Variants in SMARCAD1 observed in about 807,000 individuals in gnomAD.
SMARCAD1 encodes SNF2 related chromatin remodeling ATPase with DExD box 1.
In SMARCAD1, 25 loss-of-function variants were observed where a neutral mutation model predicts 127.1. The observed-to-expected ratio is 0.20, with a 90% CI of 0.14 to 0.27. The LOEUF is 0.27. SMARCAD1 is among the 10% of genes least tolerant of loss of function. The pLI, the probability that SMARCAD1 is intolerant of heterozygous loss-of-function variation, is 1.00. For missense variants in SMARCAD1, 807 were observed against 1,206.0 expected (o/e 0.67, Z 4.90); for synonymous variants, 400 against 396.9 (o/e 1.01, Z -0.09).
At chr4:94,238,884 T>C (rs1747128639) in intron 5 of SMARCAD1, among the ~76,000 whole-genome samples, 1 of 151,988 alleles carries the variant, frequency 6.6e-6, no homozygotes, top group Admixed American at 6.6e-5. Flanking sequence ...CTGCTTTTAC[T>C]AGGTAGCACA....
rs559026066 is a variant in SMARCAD1, at chr4:94,219,882, T to A, written c.191-6237T>A. Among the ~76,000 whole-genome samples the A allele has an allele frequency of 6.6e-5, 10 of 152,270 alleles. No individual in the cohort carries two copies. The South Asian group carries it at 1.7e-3, about 25-fold the overall frequency. On this transcript the variant is annotated intron_variant, in intron 2 of 23. Coordinates refer to ENST00000354268, the MANE Select transcript of SMARCAD1 (RefSeq NM_020159.5). Reference sequence around the variant, plus strand: ...AACTTGCCATTATTTTGCTTTAATATCCCCCACCTGGTACAATGCCTTAAA... The same window carrying A: ...AACTTGCCATTATTTTGCTTTAATAACCCCCACCTGGTACAATGCCTTAAA...
chr4:94,291,169 T>A lies in SMARCAD1; in HGVS notation c.*1635T>A. Reference sequence around the variant, plus strand: ...AATGTATTTTCAATGATAGGCTGTTTCTTTTTTTGTTGTTATTGTTGTTGT... The same window carrying A: ...AATGTATTTTCAATGATAGGCTGTTACTTTTTTTGTTGTTATTGTTGTTGT... On this transcript the variant is annotated 3_prime_UTR_variant, in exon 24 of 24. Coordinates refer to ENST00000354268, the MANE Select transcript of SMARCAD1 (RefSeq NM_020159.5). 2 of 453,822 alleles carry A rather than the reference T, an allele frequency of 4.4e-6. No individual in the cohort carries two copies. The highest frequency in any genetic ancestry group is 8.8e-6 in the Non-Finnish European group (2 of 226,700). The allele number at this position is 453,822 out of a possible 1,614,324, so 28.1% of individuals were successfully genotyped here.
At chr4:94,221,044 T>C (rs1744042476) in intron 2 of SMARCAD1, among the ~76,000 whole-genome samples, 1 of 152,202 alleles carries the variant, frequency 6.6e-6, no homozygotes. Flanking sequence ...GGCAGATGTT[T>C]TCTCAAAATG....
chr4:94,233,498 A>G (rs905599850), intron 3 of SMARCAD1, among the ~76,000 whole-genome samples: 4 of 152,184 alleles, frequency 2.6e-5, no homozygotes, highest in African/African-American at 9.6e-5. Context: ...ATTCAATGGG[A>G]CCATTCTGAT....
rs150166232 is a variant in SMARCAD1 at position 94,266,406 on chromosome 4, ATACT to A, written c.1481+1503_1481+1506del. On this transcript the variant is annotated intron_variant, in intron 10 of 23. Coordinates refer to ENST00000354268, the MANE Select transcript of SMARCAD1 (RefSeq NM_020159.5). Reference sequence around the variant, plus strand: ...TTAGACTGAGGATTTTTTAAATGAAATACTTAATAGATGAGAAAAATAGTTGTTG... The same window carrying A: ...TTAGACTGAGGATTTTTTAAATGAAATAATAGATGAGAAAAATAGTTGTTG... Among the ~76,000 whole-genome samples the A allele has an allele frequency of 3.5e-3, 535 of 152,276 alleles. 4 individuals carry two copies. Among genetic ancestry groups the A allele is most frequent in the African/African-American group, 0.012 (515 of 41,584 alleles).
At chr4:94,272,110 G>A (rs1459646378) in intron 11 of SMARCAD1, among the ~76,000 whole-genome samples, 1 of 152,104 alleles carries the variant, frequency 6.6e-6, no homozygotes, top group Non-Finnish European at 1.5e-5. Flanking sequence ...TTCTTACTCT[G>A]TCCTTATGTG....
chr4:94,255,278 A>G (rs1749892948), intron 9 of SMARCAD1, among the ~76,000 whole-genome samples: 1 of 152,062 alleles, frequency 6.6e-6, no homozygotes, highest in African/African-American at 2.4e-5. Context: ...GGGAATTTCT[A>G]TTTACAAACT....
chr4:94,212,201 A>G lies in SMARCAD1; in HGVS notation c.190+3617A>G, dbSNP rs556758177. ...TTTATTATTTATTTGTTTTTAGACA[A>G]TCTCACTGTGTGGCCCAGGCTAGAG... On this transcript the variant is annotated intron_variant, in intron 2 of 23. Transcript: ENST00000354268. Among the ~76,000 whole-genome samples, 27 of 152,156 alleles carry G rather than the reference A, an allele frequency of 1.8e-4. No individual in the cohort carries two copies. In the South Asian group the frequency reaches 3.5e-3, roughly 20 times the overall value.
rs1253013691 is a variant in SMARCAD1, at chr4:94,236,025, A to G, written c.538-927A>G. Among the ~76,000 whole-genome samples, 3 of 152,290 alleles carry G rather than the reference A, an allele frequency of 2.0e-5. No individual in the cohort carries two copies. In the East Asian group the frequency reaches 5.8e-4, roughly 29 times the overall value. On this transcript the variant is annotated intron_variant, in intron 4 of 23. Coordinates refer to ENST00000354268, the MANE Select transcript of SMARCAD1 (RefSeq NM_020159.5). ...CTAGAAATTTAAAGGTAATGTTTAT[A>G]AATTACTCAACAAAAGGTTTTAAAT...
intron 8 of SMARCAD1, among the ~76,000 whole-genome samples, chr4:94,252,101 C>T (rs1278872453): frequency 2.6e-5 from 4 of 152,174 alleles, no homozygotes; most frequent in South Asian, 4.1e-4. Flanking sequence ...CTGCCCGCGT[C>T]GGCCTCCCAA....
chr4:94,208,950 A>G (rs1741722024), intron 2 of SMARCAD1, among the ~76,000 whole-genome samples: 1 of 152,196 alleles, frequency 6.6e-6, no homozygotes, highest in Non-Finnish European at 1.5e-5. Context: ...GTATTCCCTC[A>G]AAATATTGAT....
chr4:94,212,936 G>GC, intron 2 of SMARCAD1: 1 of 534,914 alleles, frequency 1.9e-6, no homozygotes, highest in Non-Finnish European at 3.3e-6. Context: ...CTTAACCTCT[G>GC]CCCCCTGATT....
chr4:94,219,969 G>A (rs1743841448), intron 2 of SMARCAD1, among the ~76,000 whole-genome samples: 1 of 152,142 alleles, frequency 6.6e-6, no homozygotes, highest in African/African-American at 2.4e-5. Flanking sequence ...CTTTATAACT[G>A]TTTCTGCTTT....
At chr4:94,235,065 A>G (rs1746422245) in intron 4 of SMARCAD1, among the ~76,000 whole-genome samples, 1 of 152,120 alleles carries the variant, frequency 6.6e-6, no homozygotes, top group Non-Finnish European at 1.5e-5. Context: ...TCACCACTTT[A>G]ACAGCTATAT....
At position 94,289,585 on chromosome 4, in the gene SMARCAD1, T is replaced by C; in HGVS notation, c.*51T>C. ...ATGAGGAAATATCAACTTGGTGCAC[T>C]CAAGGACATTTACATTATGATGACC... On this transcript the variant is annotated 3_prime_UTR_variant, in exon 24 of 24. Transcript: ENST00000354268. 7.3e-7 allele frequency: 1 copy of C among 1,376,756 alleles called. No individual in the cohort carries two copies. Among genetic ancestry groups the C allele is most frequent in the Non-Finnish European group, 1.0e-6 (1 of 963,774 alleles). The allele number at this position is 1,376,756 out of a possible 1,614,324, so 85.3% of individuals were successfully genotyped here.
intron 3 of SMARCAD1, among the ~76,000 whole-genome samples, chr4:94,230,583 TTAAG>T (rs1223452025): frequency 6.6e-6 from 1 of 152,138 alleles, no homozygotes; most frequent in Non-Finnish European, 1.5e-5. Flanking sequence ...GGATGGTTAG[TTAAG>T]TATCTCTGAC....
At chr4:94,246,091 C>G (rs1241147858) in intron 6 of SMARCAD1, among the ~76,000 whole-genome samples, 1 of 151,828 alleles carries the variant, frequency 6.6e-6, no homozygotes, top group Admixed American at 6.6e-5. Flanking sequence ...GTCTCTTAAC[C>G]TGGGCCCCAT....
chr4:94,287,982 C>G (rs1226608079), intron 23 of SMARCAD1, among the ~76,000 whole-genome samples: 1 of 151,710 alleles, frequency 6.6e-6, no homozygotes, highest in African/African-American at 2.4e-5. Context: ...AAGACTCCAT[C>G]TCTATTAAAA....
chr4:94,259,249 A>G (rs148978554), intron 9 of SMARCAD1, among the ~76,000 whole-genome samples: 2 of 152,336 alleles, frequency 1.3e-5, no homozygotes, highest in South Asian at 2.1e-4. Context: ...TTTGGAAGCA[A>G]CATACCAAAT....
Sources: allele counts gnomAD v4.1 joint callset (sites outside exome capture counted in the v4.1 genomes callset), GRCh38; gene constraint gnomAD v4.1.1; transcripts MANE v1.5; gene names NCBI Gene and HGNC (gene_info 2026-07-23, HGNC 2026-07-21).